Variants in TMEM87B observed in about 807,000 individuals in gnomAD.
TMEM87B encodes transmembrane protein 87B.
TMEM87B carries 83 observed loss-of-function variants against 80.3 expected under a neutral mutation model. The observed-to-expected ratio is 1.03, with a 90% CI of 0.87 to 1.24. The LOEUF (loss-of-function observed/expected upper bound fraction) is 1.24, where lower values mean the gene tolerates loss of function less well. Among genes scored for constraint, TMEM87B ranks in the 50% most tolerant of loss-of-function variants. The pLI is 0.00. For synonymous variants in TMEM87B, 219 were observed against 230.5 expected, an observed-to-expected ratio of 0.95 and a Z score of 0.45; for missense variants, 625 against 674.4, an observed-to-expected ratio of 0.93 and a Z score of 0.81.
chr2:112,057,827 CT>C (rs35341806), intron 1 of TMEM87B, among the ~76,000 whole-genome samples: 36,882 of 137,592 alleles, frequency 0.27, 4,578 homozygotes, highest in Middle Eastern at 0.4. Flanking sequence ...CTGCCTCAGT[CT>C]TTTTTTTTTT....
intron 5 of TMEM87B, among the ~76,000 whole-genome samples, chr2:112,075,209 G>GCC (rs1678772304): frequency 6.6e-6 from 1 of 152,136 alleles, no homozygotes; most frequent in Non-Finnish European, 1.5e-5. Flanking sequence ...ATACCAGCCT[G>GCC]GCCAACATGG....
At chr2:112,093,072 A>G (rs990594698) in intron 11 of TMEM87B, among the ~76,000 whole-genome samples, 7 of 151,980 alleles carry the variant, frequency 4.6e-5, no homozygotes, top group Middle Eastern at 3.4e-3. Context: ...CCATTTTCTC[A>G]TCTATGTGTC....
chr2:112,115,834 C>G (rs138148746), intron 18 of TMEM87B, among the ~76,000 whole-genome samples: 204 of 152,252 alleles, frequency 1.3e-3, no homozygotes, highest in African/African-American at 4.6e-3. Flanking sequence ...TGAGGTCTCT[C>G]TATGTTGCCC....
At chr2:112,087,111 C>G (rs1012084177) in intron 9 of TMEM87B, among the ~76,000 whole-genome samples, 11 of 152,122 alleles carry the variant, frequency 7.2e-5, no homozygotes, top group Admixed American at 2.6e-4. Flanking sequence ...TACCTTCTTC[C>G]TTTTGCTTGG....
intron 18 of TMEM87B, among the ~76,000 whole-genome samples, 183 bp from the exon 19 acceptor site, chr2:112,115,901 G>T (rs1424755082): frequency 6.6e-6 from 1 of 152,136 alleles, no homozygotes; most frequent in Non-Finnish European, 1.5e-5. Context: ...CTCCCAAAGT[G>T]CTGAGATTAC....
At position 112,118,893 on chromosome 2, in the gene TMEM87B, C is replaced by A. The variant is rs2104514523; in HGVS notation, c.*2750C>A. 6.6e-6 allele frequency: 1 copy of A among 152,170 alleles called. No homozygotes were observed. The highest frequency in any genetic ancestry group is 2.4e-5 in the African/African-American group (1 of 41,500). 9.4% of individuals were successfully genotyped at this position (152,170 alleles called of 1,614,324 possible). On this transcript the variant is annotated 3_prime_UTR_variant, in exon 19 of 19. Transcript: ENST00000283206. ...ACAGATGCTATGCTAGATTTATAAT[C>A]ACTAGTTCTGGTACTTGTGTCTTTG... is the stretch of plus-strand genomic sequence containing the variant.
chr2:112,105,596 C>T (rs986968086), intron 15 of TMEM87B, among the ~76,000 whole-genome samples: 2 of 152,154 alleles, frequency 1.3e-5, no homozygotes, highest in African/African-American at 2.4e-5. Flanking sequence ...TTATGCCATA[C>T]GCACATTTCA....
chr2:112,063,316 A>C (rs1370185140), intron 2 of TMEM87B, among the ~76,000 whole-genome samples: 2 of 152,254 alleles, frequency 1.3e-5, no homozygotes, highest in African/African-American at 4.8e-5. Flanking sequence ...GGACGTTCCC[A>C]ACAGAGCTCT....
intron 13 of TMEM87B, among the ~76,000 whole-genome samples, 161 bp downstream of exon 13, chr2:112,097,452 C>T (rs987680889): frequency 2.0e-5 from 3 of 152,012 alleles, no homozygotes; most frequent in Admixed American, 6.6e-5. Flanking sequence ...TTTGGCTGGG[C>T]GCGGTGGCTC....
In TMEM87B at chr2:112,097,260, C is replaced by A. The variant is rs757419278; in HGVS notation, c.1241C>A (p.Thr414Asn). 29 of 1,608,386 alleles carry A rather than the reference C, an allele frequency of 1.8e-5. No homozygotes were observed. The highest frequency in any genetic ancestry group is 2.2e-5 in the Non-Finnish European group (26 of 1,178,600). ...LASIVFMGWT[T>N]KTFRIAKCQS... ...TCTATAGTGTTTATGGGGTGGACAA[C>A]TAAGACATTTAGAATTGCAAAATGC... The change falls in exon 13 of 19, where the codon ACT becomes AAT. Residue 414 changes from threonine to asparagine, a missense_variant. By Grantham distance (65) the Thr-to-Asn change is moderately conservative. Coordinates refer to ENST00000283206, the MANE Select transcript of TMEM87B (RefSeq NM_032824.3).
In TMEM87B at chr2:112,067,185, A is replaced by G. The variant is rs1573685517; in HGVS notation, c.450+118A>G. The G allele has an allele frequency of 2.3e-5, 31 of 1,358,766 alleles. No homozygotes were observed. In the East Asian group the frequency reaches 6.9e-4, roughly 30 times the overall value. The allele number at this position is 1,358,766 out of a possible 1,614,324, so 84.2% of individuals were successfully genotyped here. ...GTGGTATCTGACTTGCCATGTTAAA[A>G]TAAAGTTTATTTTATTCCCACTGAA... is the stretch of plus-strand genomic sequence containing the variant. On this transcript the variant is annotated intron_variant, in intron 4 of 18. Transcript: ENST00000283206.
intron 4 of TMEM87B, among the ~76,000 whole-genome samples, chr2:112,073,741 C>T (rs999611019): frequency 2.6e-5 from 4 of 152,108 alleles, no homozygotes; most frequent in Admixed American, 2.0e-4. Context: ...TCTCTTTAAA[C>T]GTCTCTAAGA....
chr2:112,099,319 G>A (rs1227830709), intron 14 of TMEM87B, among the ~76,000 whole-genome samples: 3 of 152,066 alleles, frequency 2.0e-5, no homozygotes, highest in Non-Finnish European at 2.9e-5. Flanking sequence ...AGCACGGACA[G>A]GATACTCAAA....
At chr2:112,082,744 A>ATTAAT (rs1679035827) in intron 8 of TMEM87B, among the ~76,000 whole-genome samples, 1 of 151,292 alleles carries the variant, frequency 6.6e-6, no homozygotes, top group Non-Finnish European at 1.5e-5. Flanking sequence ...GCTGCTTAGA[A>ATTAAT]TTGAAGCATT....
In TMEM87B at chr2:112,104,553, A is replaced by T. The variant is rs1025564592; in HGVS notation, c.1451-1449A>T. On this transcript the variant is annotated intron_variant, in intron 15 of 18. Coordinates refer to ENST00000283206, the MANE Select transcript of TMEM87B (RefSeq NM_032824.3). The stretch of plus-strand genomic sequence containing the variant: ...TCTGCTAGAATGGTTAAAATTAAAA[A>T]GTCTGATAGATAGCATGAACTATTG... Among the ~76,000 whole-genome samples, 10 of 152,216 alleles carry T rather than the reference A, an allele frequency of 6.6e-5. 1 individual carries two copies. Among genetic ancestry groups the T allele is most frequent in the Admixed American group, 6.5e-4 (10 of 15,278 alleles).
intron 15 of TMEM87B, 68 bp downstream of exon 15, chr2:112,100,763 C>T (rs952202026): frequency 7.4e-5 from 74 of 1,000,960 alleles, no homozygotes; most frequent in Admixed American, 1.7e-4. Flanking sequence ...TACCTTTACC[C>T]GTGATGCAAG....
chr2:112,066,594 C>G (rs540199271), intron 3 of TMEM87B, among the ~76,000 whole-genome samples: 6 of 152,294 alleles, frequency 3.9e-5, no homozygotes, highest in African/African-American at 1.4e-4. Flanking sequence ...TGTAAAATCT[C>G]TTACACATGG....
At position 112,096,007 on chromosome 2, in the gene TMEM87B, A is replaced by AC. The variant is rs547464497; in HGVS notation, c.1105-1031dup. Among the ~76,000 whole-genome samples the AC allele has an allele frequency of 1.5e-3, 229 of 151,372 alleles. 2 individuals are homozygous for AC. The highest frequency in any genetic ancestry group is 4.9e-3 in the African/African-American group (203 of 41,276). ...CCTGGAAAACAGCCAAGATTAAGAC[A>AC]CCCCCCTCCAAACCCCCTTCCCTAT... On this transcript the variant is annotated intron_variant, in intron 11 of 18. Transcript: ENST00000283206.
rs1678841219 is a variant in TMEM87B at position 112,076,983 on chromosome 2, C to T, written c.502-209C>T. Among the ~76,000 whole-genome samples, 3 of 130,032 alleles carry T rather than the reference C, an allele frequency of 2.3e-5. No individual in the cohort carries two copies. The Admixed American group carries it at 2.8e-4, about 12-fold the overall frequency. The allele number at this position is 130,032 out of a possible 152,430, so 85.3% of individuals were successfully genotyped here. ...TTGGGAGGCCAAAGCAGGAGGATCA[C>T]ATGAGGGGTCAGGAGTTTGAGACCA... On this transcript the variant is annotated intron_variant, in intron 5 of 18. Transcript: ENST00000283206.
Sources: gnomAD v4.1 joint callset for allele counts (sites outside exome capture counted in the v4.1 genomes callset) on GRCh38, gnomAD v4.1.1 for gene constraint, MANE v1.5 for transcripts, NCBI Gene and HGNC (gene_info 2026-07-23, HGNC 2026-07-21) for gene names.